Variants in MAK observed in about 807,000 individuals in gnomAD.
MAK encodes male germ cell associated kinase, also known as serine/threonine-protein kinase MAK.
MAK carries 65 observed loss-of-function variants against 82.6 expected under a neutral mutation model. The observed-to-expected ratio is 0.79, with a 90% CI of 0.64 to 0.97. The LOEUF is 0.97. MAK is among the 50% of genes least tolerant of loss of function. MAK has a pLI of 0.00. For missense variants in MAK, 703 were observed against 780.2 expected, an observed-to-expected ratio of 0.90 and a Z score of 1.18; for synonymous variants, 250 against 274.2, an observed-to-expected ratio of 0.91 and a Z score of 0.87.
At chr6:10,780,733 G>A (rs1292812940) in intron 11 of MAK, among the ~76,000 whole-genome samples, 5 of 151,848 alleles carry the variant, frequency 3.3e-5, no homozygotes, top group East Asian at 1.9e-4. Flanking sequence ...GATTATAGGC[G>A]ACAGCACCCG....
At chr6:10,813,553 A>G (rs2127571899) in intron 5 of MAK, 91 bp downstream of exon 5, 1 of 788,540 alleles carries the variant, frequency 1.3e-6, no homozygotes, top group South Asian at 1.4e-5. Flanking sequence ...GTTATCCAAT[A>G]TAACAGTTAT....
chr6:10,785,464 A>C (rs1264361300), intron 10 of MAK, among the ~76,000 whole-genome samples: 1 of 152,198 alleles, frequency 6.6e-6, no homozygotes, highest in Non-Finnish European at 1.5e-5. Context: ...GTTTCCACCT[A>C]GAAATTCATG....
Position 10,791,780 on chromosome 6 carries a change from C to T in MAK, c.1211G>A (p.Gly404Glu). ...GTCCTCCAACTCTTCCCAGCTATCT[C>T]CAGACTTGAAGATAGTCTGACCCCA... ...RRWGQTIFKS[G>E]DSWEELEDYD... Residue 404 changes from glycine (G) to glutamate (E), a missense_variant, in exon 10 of 15, where the codon GGA (glycine) becomes GAA (glutamate). Gly to Glu is a moderately conservative substitution (Grantham distance 98). Coordinates refer to ENST00000354489, the MANE Select transcript of MAK (RefSeq NM_001242957.3). 2 of 1,613,948 alleles carry T rather than the reference C, an allele frequency of 1.2e-6. No homozygotes were observed. Among genetic ancestry groups the T allele is most frequent in the Non-Finnish European group, 1.7e-6 (2 of 1,179,838 alleles).
rs753241358 is a variant in MAK at position 10,764,160 on chromosome 6, T to C, written c.*292A>G. 9.3e-6 allele frequency: 3 copies of C among 322,336 alleles called. No homozygotes were observed. Among genetic ancestry groups the C allele is most frequent in the Admixed American group, 9.3e-5 (2 of 21,612 alleles). The allele number at this position is 322,336 out of a possible 1,614,324, so 20.0% of individuals were successfully genotyped here. On this transcript the variant is annotated 3_prime_UTR_variant, in exon 15 of 15. Transcript: ENST00000354489. Reference sequence around the variant, plus strand: ...AGTTGTTTTTTTTTAAGGGTTCTTATTGGATTTACTATTTATTAAATTGTA... The same window carrying C: ...AGTTGTTTTTTTTTAAGGGTTCTTACTGGATTTACTATTTATTAAATTGTA...
intron 5 of MAK, among the ~76,000 whole-genome samples, chr6:10,813,248 A>G (rs1241272655): frequency 7.1e-6 from 1 of 141,658 alleles, no homozygotes; most frequent in African/African-American, 2.7e-5. Flanking sequence ...TCTGGGGTTC[A>G]AGCAATTCTC....
At chr6:10,818,613 CAA>C (rs35999127) in intron 3 of MAK, among the ~76,000 whole-genome samples, 1,704 of 111,096 alleles carry the variant, frequency 0.015, 12 homozygotes, top group African/African-American at 0.048. Context: ...GACTCTGTCA[CAA>C]AAAAAAAAAA....
intron 6 of MAK, among the ~76,000 whole-genome samples, chr6:10,807,978 G>C (rs897793134): frequency 1.3e-5 from 2 of 151,960 alleles, no homozygotes; most frequent in Non-Finnish European, 2.9e-5. Flanking sequence ...TGAGGCAGGA[G>C]AATCACTTGA....
rs150038358 is a variant in MAK at position 10,764,990 on chromosome 6, G to C, written c.1793-384C>G. ...GGGTGACTGTAATCCCAGCTACTCA[G>C]GAGGCTGAGGCAAGAGAATCACTTG... is the stretch of plus-strand genomic sequence containing the variant. On this transcript the variant is annotated intron_variant, in intron 14 of 14. Coordinates refer to ENST00000354489, the MANE Select transcript of MAK (RefSeq NM_001242957.3). Among the ~76,000 whole-genome samples the C allele has an allele frequency of 5.8e-3, 879 of 151,988 alleles. 3 individuals are homozygous for C. The highest frequency in any genetic ancestry group is 9.0e-3 in the Non-Finnish European group (609 of 67,998).
chr6:10,796,368 A>G (rs1775564173), intron 8 of MAK, 59 bp from the exon 9 acceptor site: 1 of 1,409,486 alleles, frequency 7.1e-7, no homozygotes, highest in Admixed American at 1.7e-5. Flanking sequence ...TGTATTGCAC[A>G]TAAACTATGG....
In MAK at chr6:10,797,800, A is replaced by G. The variant is rs931341199; in HGVS notation, c.832-1491T>C. On this transcript the variant is annotated intron_variant, in intron 8 of 14. Coordinates refer to ENST00000354489, the MANE Select transcript of MAK (RefSeq NM_001242957.3). ...AACAGAAGGCAGCTTGGTACTTTAAATGGTCTTCATATTCTACAACTTAAC... is the reference window on the plus strand; with the variant it reads ...AACAGAAGGCAGCTTGGTACTTTAAGTGGTCTTCATATTCTACAACTTAAC... 7.9e-6 allele frequency: 10 copies of G among 1,267,108 alleles called. No individual in the cohort carries two copies. The African/African-American group carries it at 1.5e-4, about 20-fold the overall frequency. The allele number at this position is 1,267,108 out of a possible 1,614,324, so 78.5% of individuals were successfully genotyped here.
rs1358422000 is a variant in MAK, at chr6:10,828,075, AATTT to A, written c.101+2469_101+2472del. ...GCACTGAATTTTATTAAGCCTATTC[AATTT>A]ATTTTTCATTTCCATTATTGTATAT... On this transcript the variant is annotated intron_variant, in intron 2 of 14. Coordinates refer to ENST00000354489, the MANE Select transcript of MAK (RefSeq NM_001242957.3). 6.6e-5 allele frequency among the ~76,000 whole-genome samples: 10 copies of A among 152,244 alleles called. No homozygotes were observed. In the East Asian group the frequency reaches 1.9e-3, roughly 29 times the overall value.
At chr6:10,807,435 A>G (rs9379794) in intron 6 of MAK, among the ~76,000 whole-genome samples, 87,081 of 145,242 alleles carry the variant, frequency 0.6, 25,663 homozygotes, top group Non-Finnish European at 0.61. Context: ...CTCTGCCCCC[A>G]AGGTTCAAGT....
rs115934269 is a variant in MAK at position 10,766,861 on chromosome 6, G to A, written c.1793-2255C>T. ...CATGATATCACCTAAGTCCTAAATG[G>A]TTTTAAATGAAATTGTGTCCAGGAC... On this transcript the variant is annotated intron_variant, in intron 14 of 14. Coordinates refer to ENST00000354489, the MANE Select transcript of MAK (RefSeq NM_001242957.3). Among the ~76,000 whole-genome samples, 135 of 148,914 alleles carry A rather than the reference G, an allele frequency of 9.1e-4. 1 individual carries two copies. Among genetic ancestry groups the A allele is most frequent in the African/African-American group, 3.3e-3 (125 of 38,342 alleles).
At chr6:10,830,979 T>C (rs1778770903) in intron 1 of MAK, 102 bp from the exon 2 acceptor site, 1 of 335,828 alleles carries the variant, frequency 3.0e-6, no homozygotes, top group Non-Finnish European at 5.8e-6. Flanking sequence ...ATAATATAAA[T>C]ACTATTGTGT....
intron 14 of MAK, among the ~76,000 whole-genome samples, chr6:10,765,065 C>A (rs1223438148): frequency 6.7e-6 from 1 of 149,682 alleles, no homozygotes; most frequent in African/African-American, 2.5e-5. Context: ...CATTGCACAC[C>A]AGCCTGGGCG....
intron 11 of MAK, among the ~76,000 whole-genome samples, chr6:10,781,778 A>G (rs1168786184): frequency 2.0e-5 from 3 of 152,128 alleles, no homozygotes; most frequent in African/African-American, 7.2e-5. Flanking sequence ...TACTACCAAT[A>G]AGATATGTAT....
intron 1 of MAK, among the ~76,000 whole-genome samples, chr6:10,832,292 T>A (rs941771905): frequency 3.9e-5 from 6 of 152,356 alleles, no homozygotes; most frequent in African/African-American, 1.2e-4. Flanking sequence ...TTTAGAATAT[T>A]ACATAAACTG....
chr6:10,793,873 T>G lies in MAK; in HGVS notation c.1144-2026A>C, dbSNP rs902065944. On this transcript the variant is annotated intron_variant, in intron 9 of 14. Transcript: ENST00000354489. This position sits in a 1 kb window ranked among gnomAD's most constrained non-coding sequence, Gnocchi z 4.6. ...GTTGGTGGCACGAGTGCACATATGG[T>G]TTAGAATGTCGGAGGTGATTCGCCC... 2.6e-5 allele frequency among the ~76,000 whole-genome samples: 4 copies of G among 152,158 alleles called. No individual in the cohort carries two copies. The highest frequency in any genetic ancestry group is 4.4e-5 in the Non-Finnish European group (3 of 68,034).
At chr6:10,813,152 T>C (rs1777188332) in intron 5 of MAK, among the ~76,000 whole-genome samples, 1 of 49,968 alleles carries the variant, frequency 2.0e-5, no homozygotes, top group South Asian at 7.5e-4. Context: ...TTTTTTTTTT[T>C]TTTTTTTTTT....
Sources: gnomAD v4.1 joint callset for allele counts (sites outside exome capture counted in the v4.1 genomes callset) on GRCh38, gnomAD v4.1.1 for gene constraint, Gnocchi (gnomAD v3.1) non-coding constraint, MANE v1.5 for transcripts, NCBI Gene and HGNC (gene_info 2026-07-23, HGNC 2026-07-21) for gene names.